Variants in EBF1 observed in about 807,000 individuals in gnomAD.
The protein encoded by EBF1 is EBF transcription factor 1.
Under a neutral mutation model 68.4 loss-of-function variants are expected in EBF1, and 10 were observed. The ratio of observed to expected loss-of-function variants is 0.15; its 90% CI spans 0.09 to 0.25. The LOEUF is 0.25. EBF1 is among the 10% of genes least tolerant of loss of function. EBF1 has a pLI of 1.00. For synonymous variants in EBF1, 298 were observed against 299.8 expected, an observed-to-expected ratio of 0.99 and a Z score of 0.06; for missense variants, 509 against 794.4, an observed-to-expected ratio of 0.64 and a Z score of 4.32.
At chr5:158,833,196 C>A (rs527688307) in intron 7 of EBF1, among the ~76,000 whole-genome samples, 1 of 151,456 alleles carries the variant, frequency 6.6e-6, no homozygotes, top group Non-Finnish European at 1.5e-5. Flanking sequence ...GTCCCAGCTA[C>A]TCTGAAGGCT....
At chr5:159,066,467 A>G (rs1190503886) in intron 6 of EBF1, among the ~76,000 whole-genome samples, 2 of 152,198 alleles carry the variant, frequency 1.3e-5, no homozygotes, top group African/African-American at 4.8e-5. Context: ...AGTGGAGTAC[A>G]CATTTCATAG....
intron 2 of EBF1, 58 bp from the exon 3 acceptor site, chr5:159,096,464 G>T (rs751592076): frequency 2.5e-6 from 4 of 1,577,022 alleles, no homozygotes; most frequent in Non-Finnish European, 3.5e-6. Context: ...CTGCGTGAGC[G>T]AGTGGACCAA....
At chr5:158,735,474 G>A (rs116611916) in intron 10 of EBF1, among the ~76,000 whole-genome samples, 13 of 152,262 alleles carry the variant, frequency 8.5e-5, no homozygotes, top group Middle Eastern at 3.4e-3. Flanking sequence ...TTATGGAGGG[G>A]TACATCTGAA....
intron 10 of EBF1, among the ~76,000 whole-genome samples, chr5:158,735,808 A>G (rs1426128370): frequency 1.3e-5 from 2 of 152,214 alleles, no homozygotes; most frequent in Non-Finnish European, 2.9e-5. Flanking sequence ...CCCCTAAAGG[A>G]AACCAGCAAC....
chr5:159,005,646 G>A (rs1763410023), intron 6 of EBF1, among the ~76,000 whole-genome samples: 1 of 152,054 alleles, frequency 6.6e-6, no homozygotes, highest in African/African-American at 2.4e-5. Flanking sequence ...ACATGCTTTT[G>A]TCTTTTCTGC....
intron 6 of EBF1, among the ~76,000 whole-genome samples, chr5:159,030,277 T>C (rs972410747): frequency 5.3e-5 from 8 of 152,158 alleles, no homozygotes; most frequent in African/African-American, 1.9e-4. Flanking sequence ...TTCCAATTTT[T>C]CTGTAATGCA....
intron 6 of EBF1, among the ~76,000 whole-genome samples, chr5:158,943,598 C>G (rs1175325714): frequency 1.3e-5 from 2 of 152,180 alleles, no homozygotes; most frequent in Admixed American, 6.5e-5. Flanking sequence ...AACATAACTT[C>G]CAGAATCATT....
chr5:158,702,341 G>A (rs1756928547), intron 15 of EBF1, among the ~76,000 whole-genome samples: 1 of 152,128 alleles, frequency 6.6e-6, no homozygotes, highest in Non-Finnish European at 1.5e-5. Context: ...ACTTGCCCAA[G>A]TGGAGTGCAT....
At chr5:159,050,374 T>C (rs1304702525) in intron 6 of EBF1, among the ~76,000 whole-genome samples, 1 of 152,016 alleles carries the variant, frequency 6.6e-6, no homozygotes, top group East Asian at 1.9e-4. Flanking sequence ...GGACCATCAG[T>C]CCTCCCACAA....
chr5:158,831,165 C>T (rs1787477496), intron 7 of EBF1, among the ~76,000 whole-genome samples: 1 of 152,116 alleles, frequency 6.6e-6, no homozygotes, highest in Admixed American at 6.5e-5. Context: ...TGTGTGTCCT[C>T]ATTGGCCATT....
chr5:158,975,284 A>T (rs1756502778), intron 6 of EBF1, among the ~76,000 whole-genome samples: 1 of 152,158 alleles, frequency 6.6e-6, no homozygotes, highest in South Asian at 2.1e-4. Context: ...CCCAAAAAAT[A>T]TTTGAATAAG....
At chr5:158,927,023 C>T (rs1276173470) in intron 6 of EBF1, among the ~76,000 whole-genome samples, 1 of 152,216 alleles carries the variant, frequency 6.6e-6, no homozygotes, top group Non-Finnish European at 1.5e-5. Flanking sequence ...CCTGCCTTCA[C>T]CCATAACTCA....
intron 6 of EBF1, among the ~76,000 whole-genome samples, chr5:158,958,783 G>C (rs1254586810): frequency 6.6e-6 from 1 of 152,064 alleles, no homozygotes; most frequent in African/African-American, 2.4e-5. Flanking sequence ...AACCAGAAAC[G>C]CCGTTTTCTA....
At chr5:158,822,300 GGATGGATGGATGGATA>G (rs1304293142) in intron 8 of EBF1, among the ~76,000 whole-genome samples, 16 of 143,134 alleles carry the variant, frequency 1.1e-4, no homozygotes, top group African/African-American at 3.3e-4. Flanking sequence ...ATGGATGGAT[GGATGGATGGATGGATA>G]GATGGATAGA....
chr5:158,817,314 T>A (rs1783957418), intron 8 of EBF1, among the ~76,000 whole-genome samples: 2 of 152,190 alleles, frequency 1.3e-5, no homozygotes, highest in South Asian at 4.1e-4. Context: ...CCTACTAAAA[T>A]TCATGTTGAA....
At chr5:158,977,713 T>C (rs1226902955) in intron 6 of EBF1, among the ~76,000 whole-genome samples, 2 of 152,198 alleles carry the variant, frequency 1.3e-5, no homozygotes, top group South Asian at 2.1e-4. Context: ...AAAAATCTGC[T>C]TCATTTAGGG....
chr5:159,079,162 T>C (rs948559597), intron 5 of EBF1, among the ~76,000 whole-genome samples: 1 of 152,202 alleles, frequency 6.6e-6, no homozygotes, highest in African/African-American at 2.4e-5. Context: ...CTTCCTCCCA[T>C]GTCTTAAAGT....
intron 4 of EBF1, among the ~76,000 whole-genome samples, chr5:159,090,191 C>T (rs1173304499): frequency 6.7e-6 from 1 of 150,016 alleles, no homozygotes; most frequent in East Asian, 1.9e-4. Context: ...AATATCAACA[C>T]ACTATAATAA....
chr5:158,961,790 C>T (rs1183967585), intron 6 of EBF1, among the ~76,000 whole-genome samples: 1 of 152,144 alleles, frequency 6.6e-6, no homozygotes, highest in Admixed American at 6.5e-5. Context: ...AAAACTCCGA[C>T]CAGTGGAGGT....
Sources: gnomAD v4.1 joint callset for allele counts (sites outside exome capture counted in the v4.1 genomes callset) on GRCh38, gnomAD v4.1.1 for gene constraint, MANE v1.5 for transcripts, NCBI Gene and HGNC (gene_info 2026-07-23, HGNC 2026-07-21) for gene names.